ABCA12: variants seen among roughly 807,000 people sequenced by gnomAD.
ABCA12 encodes the protein ATP binding cassette subfamily A member 12.
A neutral mutation model predicts 293.5 loss-of-function variants in ABCA12; 156 were observed. The ratio of observed to expected loss-of-function variants is 0.53; its 90% confidence interval spans 0.47 to 0.61. The LOEUF is 0.61. Among genes scored for constraint, ABCA12 ranks in the 20% least tolerant of loss-of-function variants. The pLI is 0.00. For missense variants in ABCA12, 2,797 were observed against 3,090.2 expected (o/e 0.91, Z 2.25); for synonymous variants, 1,063 against 1,108.0 (o/e 0.96, Z 0.81).
chr2:215,032,152 G>A (rs1700892504), intron 8 of ABCA12: 1 of 1,314,616 alleles, frequency 7.6e-7, no homozygotes, highest in Non-Finnish European at 9.8e-7. Flanking sequence ...TTCTTTGTCT[G>A]TGCATCAAGC....
At chr2:215,052,371 A>G (rs1701336157) in intron 5 of ABCA12, 116 bp downstream of exon 5, 1 of 835,102 alleles carries the variant, frequency 1.2e-6, no homozygotes, top group East Asian at 2.7e-5. Context: ...GTTGCCTGAG[A>G]TATTACCCTA....
chr2:215,108,201 T>G (rs751765012), intron 2 of ABCA12, among the ~76,000 whole-genome samples: 1 of 152,324 alleles, frequency 6.6e-6, no homozygotes, highest in African/African-American at 2.4e-5. Flanking sequence ...TCTATGATAC[T>G]TCAGCTACAA....
chr2:215,026,792 G>A (rs753811279), intron 10 of ABCA12, 28 bp downstream of exon 10: 2 of 1,524,918 alleles, frequency 1.3e-6, no homozygotes, highest in Admixed American at 1.7e-5. Context: ...ACCATGAGCA[G>A]CATTTTGACT....
intron 17 of ABCA12, 69 bp from the exon 18 acceptor site, chr2:215,010,539 G>T: frequency 6.5e-7 from 1 of 1,539,546 alleles, no homozygotes; most frequent in South Asian, 1.2e-5. Context: ...ATGGCAAATT[G>T]ACAGAGATTA....
intron 31 of ABCA12, 116 bp from the exon 32 acceptor site, chr2:214,979,156 A>G: frequency 1.1e-6 from 1 of 898,942 alleles, no homozygotes; most frequent in Non-Finnish European, 1.9e-6. Flanking sequence ...CCTGAGTCAG[A>G]TCATAACATC....
In ABCA12 at chr2:214,970,262, G is replaced by A. The variant is rs545331857; in HGVS notation, c.5690+11C>T. On this transcript the variant is annotated intron_variant, in intron 37 of 52. Coordinates refer to ENST00000272895, the MANE Select transcript of ABCA12 (RefSeq NM_173076.3). ...CAAGCAATTAAATATGTTATAAACAGATTATTTTACCTTTTTTGGACAAAC... is the reference window on the plus strand; with the variant it reads ...CAAGCAATTAAATATGTTATAAACAAATTATTTTACCTTTTTTGGACAAAC... 1.2e-5 allele frequency: 20 copies of A among 1,609,858 alleles called. No individual in the cohort carries two copies. The South Asian group carries it at 2.2e-4, about 18-fold the overall frequency.
chr2:215,011,675 T>C (rs1700377486), intron 16 of ABCA12, 26 bp from the exon 17 acceptor site: 1 of 1,605,974 alleles, frequency 6.2e-7, no homozygotes, highest in East Asian at 2.2e-5. Context: ...CCACAATTTA[T>C]TGACACTATA....
chr2:215,123,910 C>A (rs1425414161), intron 1 of ABCA12, among the ~76,000 whole-genome samples: 1 of 152,116 alleles, frequency 6.6e-6, no homozygotes, highest in Non-Finnish European at 1.5e-5. Context: ...ACTCTTCTAT[C>A]CCTCGCCCCC....
At chr2:214,994,702 C>T (rs1699998374) in intron 23 of ABCA12, among the ~76,000 whole-genome samples, 1 of 152,076 alleles carries the variant, frequency 6.6e-6, no homozygotes, top group Non-Finnish European at 1.5e-5. Context: ...TTACTGGAAA[C>T]ATTTCAAATT....
rs760713161 is a variant in ABCA12 at position 215,019,722 on chromosome 2, C to T, written c.1362G>A (p.Gln454=). The T allele has an allele frequency of 1.2e-6, 2 of 1,614,126 alleles. No homozygotes were observed. The highest frequency in any genetic ancestry group is 2.2e-5 in the South Asian group (2 of 91,082). Residue 454 remains glutamine, a synonymous_variant, in exon 12 of 53, where the codon CAG becomes CAA. Transcript: ENST00000272895. Reference sequence around the variant, plus strand: ...GGCTCCCAAAGCTCATATCAGAGAGCTGGCATGACTTCTCTATCAAACTGA... The same window carrying T: ...GGCTCCCAAAGCTCATATCAGAGAGTTGGCATGACTTCTCTATCAAACTGA... The part of the protein sequence containing the change: ...ETFSLIEKSC[Q]LSDMSFGSLC...
intron 1 of ABCA12, among the ~76,000 whole-genome samples, chr2:215,128,660 T>C (rs1332485676): frequency 1.3e-5 from 2 of 151,848 alleles, no homozygotes; most frequent in Non-Finnish European, 2.9e-5. Context: ...TTTTTTTTTC[T>C]TAAAGCTATC....
At chr2:215,042,148 C>A (rs1701113353) in intron 7 of ABCA12, 1 of 152,172 alleles carries the variant, frequency 6.6e-6, no homozygotes, top group Admixed American at 6.5e-5. Context: ...GTTAAAAGGG[C>A]AGAGCTCATG....
intron 5 of ABCA12, among the ~76,000 whole-genome samples, chr2:215,051,088 A>G (rs1701311584): frequency 6.6e-6 from 1 of 152,162 alleles, no homozygotes; most frequent in Non-Finnish European, 1.5e-5. Flanking sequence ...GGAGAATAGC[A>G]TTGCTCTTCT....
chr2:214,990,770 C>G lies in ABCA12; in HGVS notation c.3556G>C (p.Ala1186Pro). 1 of 1,613,952 alleles carries G rather than the reference C, an allele frequency of 6.2e-7. No homozygotes were observed. Residue 1186 changes from alanine to proline, a missense_variant, in exon 24 of 53, where the codon GCC becomes CCC. By Grantham distance (27) the Ala-to-Pro change is conservative. Around this residue, in one of 3 missense-constraint regions of ABCA12, gnomAD observed 2,130 missense variants for 2,427.0 expected, o/e 0.88. Transcript: ENST00000272895. ...ACCAGAACAATAAATGGAAAGAAGG[C>G]AATGATGTAGATGAGGCTTCCGATC... The part of the protein sequence containing the change: ...ALIGSLIYII[A>P]FFPFIVLVTV...
At chr2:215,018,551 A>G (rs1700555533) in intron 13 of ABCA12, among the ~76,000 whole-genome samples, 1 of 152,208 alleles carries the variant, frequency 6.6e-6, no homozygotes, top group Non-Finnish European at 1.5e-5. Context: ...ATAAATCCAC[A>G]CATAATGCCA....
chr2:215,133,660 G>T (rs1703113088), intron 1 of ABCA12, among the ~76,000 whole-genome samples: 1 of 152,064 alleles, frequency 6.6e-6, no homozygotes, highest in East Asian at 1.9e-4. Flanking sequence ...CACCTGGTTG[G>T]CTTTCTCTAT....
intron 1 of ABCA12, among the ~76,000 whole-genome samples, chr2:215,128,771 A>G (rs1702985118): frequency 6.6e-6 from 1 of 152,148 alleles, no homozygotes; most frequent in Non-Finnish European, 1.5e-5. Context: ...TAGCTTAATA[A>G]CTAACCTACT....
intron 30 of ABCA12, 47 bp downstream of exon 30, chr2:214,982,140 C>T: frequency 6.2e-7 from 1 of 1,600,648 alleles, no homozygotes; most frequent in Non-Finnish European, 8.6e-7. Flanking sequence ...TGCCAGAGGG[C>T]AGAAGTATGA....
rs1230253102 is a variant in ABCA12, at chr2:214,952,904, C to A, written c.6647+950G>T. On this transcript the variant is annotated intron_variant, in intron 44 of 52. Transcript: ENST00000272895. ...TTCTCTATCTCTGCTCTTTTATTTC[C>A]TCTCATTGTTTACTTAACATTGTAT... is the stretch of plus-strand genomic sequence containing the variant. 2.0e-5 allele frequency among the ~76,000 whole-genome samples: 3 copies of A among 151,910 alleles called. No homozygotes were observed. The East Asian group carries it at 5.8e-4, about 29-fold the overall frequency.
Sources: gnomAD v4.1 joint callset for allele counts (sites outside exome capture counted in the v4.1 genomes callset) on GRCh38, gnomAD v4.1.1 for gene constraint, gnomAD v4.1.1 regional missense constraint, MANE v1.5 for transcripts, NCBI Gene and HGNC (gene_info 2026-07-23, HGNC 2026-07-21) for gene names.